The following MCTP1 variants were observed in gnomAD, a reference collection of about 807,000 sequenced individuals.
MCTP1 encodes multiple C2 and transmembrane domain containing 1.
A neutral mutation model predicts 120.6 loss-of-function variants in MCTP1; 69 were observed. That is an observed-to-expected ratio of 0.57 (90% CI 0.47 to 0.70). MCTP1 has a LOEUF of 0.70. MCTP1 is among the 30% of genes least tolerant of loss of function. MCTP1 has a pLI of 0.00. For synonymous variants in MCTP1, 529 were observed against 493.1 expected, an observed-to-expected ratio of 1.07 and a Z score of -0.96; for missense variants, 1,203 against 1,248.8, an observed-to-expected ratio of 0.96 and a Z score of 0.55.
chr5:95,106,028 A>G (rs1312554634), intron 1 of MCTP1, among the ~76,000 whole-genome samples: 2 of 152,160 alleles, frequency 1.3e-5, no homozygotes, highest in Admixed American at 1.3e-4. Flanking sequence ...TTTCAAACTT[A>G]TGGTATGTTC....
At chr5:95,132,008 A>G (rs1759081667) in intron 1 of MCTP1, among the ~76,000 whole-genome samples, 1 of 152,198 alleles carries the variant, frequency 6.6e-6, no homozygotes, top group Admixed American at 6.5e-5. Context: ...ATTACCTTAT[A>G]TAGTTTACTT....
At chr5:94,904,397 T>C (rs1806273250) in intron 10 of MCTP1, among the ~76,000 whole-genome samples, 1 of 152,204 alleles carries the variant, frequency 6.6e-6, no homozygotes, top group East Asian at 1.9e-4. Context: ...GTAAAGCTAA[T>C]GTGTATAATA....
rs1756571356 is a variant in MCTP1 at position 95,099,727 on chromosome 5, G to A, written c.721-82243C>T. Among the ~76,000 whole-genome samples the A allele has an allele frequency of 2.6e-5, 4 of 151,646 alleles. No homozygotes were observed. The South Asian group carries it at 8.4e-4, about 32-fold the overall frequency. ...GAAGTCAGTGCGGCGATTCCTCAGG[G>A]ATCTAGAACTAGAAATACCATTTGA... On this transcript the variant is annotated intron_variant, in intron 1 of 22. Transcript: ENST00000515393.
At chr5:94,841,882 T>C (rs1791124609) in intron 17 of MCTP1, among the ~76,000 whole-genome samples, 1 of 152,168 alleles carries the variant, frequency 6.6e-6, no homozygotes, top group Non-Finnish European at 1.5e-5. Context: ...CTGTTCTTGA[T>C]GATGGGCATA....
At chr5:95,011,533 T>C (rs1308411776) in intron 2 of MCTP1, among the ~76,000 whole-genome samples, 3 of 152,042 alleles carry the variant, frequency 2.0e-5, no homozygotes, top group Non-Finnish European at 2.9e-5. Context: ...CGGGGGCAGT[T>C]TCCTCCATGC....
At chr5:95,080,664 C>G (rs1197317092) in intron 1 of MCTP1, among the ~76,000 whole-genome samples, 1 of 152,128 alleles carries the variant, frequency 6.6e-6, no homozygotes, top group Admixed American at 6.5e-5. Flanking sequence ...TTGCTTCAAC[C>G]AATATGAAGC....
chr5:94,802,579 T>C (rs892909679), intron 17 of MCTP1, among the ~76,000 whole-genome samples: 6 of 152,122 alleles, frequency 3.9e-5, no homozygotes, highest in African/African-American at 1.4e-4. Flanking sequence ...ACAAAAGGTC[T>C]GGCCTTTAGT....
chr5:95,012,859 A>G (rs1836302415), intron 2 of MCTP1, among the ~76,000 whole-genome samples: 1 of 152,160 alleles, frequency 6.6e-6, no homozygotes, highest in Non-Finnish European at 1.5e-5. Context: ...AATGGACTCT[A>G]AGTATTCAAG....
chr5:95,262,258 T>C (rs543119212), intron 1 of MCTP1, among the ~76,000 whole-genome samples: 56 of 152,266 alleles, frequency 3.7e-4, no homozygotes, highest in African/African-American at 1.3e-3. Flanking sequence ...CACAGACACA[T>C]TTTTTTGATC....
rs192802437 is a variant in MCTP1 at position 94,725,796 on chromosome 5, C to T, written c.2611-10910G>A. Reference sequence around the variant, plus strand: ...TGTAAAATGAGGATAATAATTCAACCTACCTTTGCAATGGTTATAAAATTA... The same window carrying T: ...TGTAAAATGAGGATAATAATTCAACTTACCTTTGCAATGGTTATAAAATTA... On this transcript the variant is annotated intron_variant, in intron 19 of 22. Transcript: ENST00000515393. Among the ~76,000 whole-genome samples the T allele has an allele frequency of 1.4e-3, 210 of 152,214 alleles. 1 individual carries two copies. The highest frequency in any genetic ancestry group is 4.6e-3 in the African/African-American group (193 of 41,546).
At chr5:94,783,149 C>T (rs1476110838) in intron 18 of MCTP1, among the ~76,000 whole-genome samples, 2 of 151,988 alleles carry the variant, frequency 1.3e-5, no homozygotes, top group Non-Finnish European at 2.9e-5. Context: ...GAATGTAATA[C>T]TAATAAAGAT....
chr5:94,799,626 C>T (rs1780783402), intron 17 of MCTP1, among the ~76,000 whole-genome samples: 1 of 152,046 alleles, frequency 6.6e-6, no homozygotes, highest in Admixed American at 6.6e-5. Context: ...CCAAAGATTT[C>T]ACAATATGAA....
At chr5:94,793,560 G>A (rs1367324674) in intron 18 of MCTP1, 1 of 152,198 alleles carries the variant, frequency 6.6e-6, no homozygotes, top group Non-Finnish European at 1.5e-5. Flanking sequence ...GTACTGAGAT[G>A]CAAACACAGG....
At chr5:95,133,511 C>T (rs193132334) in intron 1 of MCTP1, among the ~76,000 whole-genome samples, 366 of 152,208 alleles carry the variant, frequency 2.4e-3, no homozygotes, top group African/African-American at 8.5e-3. Flanking sequence ...AAAAATTAGC[C>T]GGGTGTGGCG....
chr5:95,029,029 C>T (rs866193000), intron 1 of MCTP1, among the ~76,000 whole-genome samples: 5 of 151,694 alleles, frequency 3.3e-5, no homozygotes, highest in Admixed American at 6.6e-5. Context: ...TGTGGTGGTG[C>T]GTGCCTGTAA....
At chr5:95,011,299 C>T (rs149874276) in intron 2 of MCTP1, among the ~76,000 whole-genome samples, 3,082 of 152,178 alleles carry the variant, frequency 0.02, 46 homozygotes, top group Non-Finnish European at 0.031. Flanking sequence ...TCAATTCTCC[C>T]TTCCACGTTT....
In MCTP1 at chr5:94,959,909, G is replaced by GA. The variant is rs1301587402; in HGVS notation, c.839-6549dup. ...ACCATTGACTTTCTTCAGAGAATTA[G>GA]AAAAAACTACTTTAAATTTTATATG... On this transcript the variant is annotated intron_variant, in intron 2 of 22. Transcript: ENST00000515393. Among the ~76,000 whole-genome samples, 6 of 152,060 alleles carry GA rather than the reference G, an allele frequency of 3.9e-5. No homozygotes were observed. The East Asian group carries it at 7.7e-4, about 20-fold the overall frequency.
chr5:94,721,161 G>C (rs1760797420), intron 19 of MCTP1, among the ~76,000 whole-genome samples: 1 of 152,148 alleles, frequency 6.6e-6, no homozygotes, highest in Non-Finnish European at 1.5e-5. Context: ...AATCACCATA[G>C]AGCTAAAATC....
At chr5:95,203,938 T>C (rs1751345012) in intron 1 of MCTP1, among the ~76,000 whole-genome samples, 1 of 152,218 alleles carries the variant, frequency 6.6e-6, no homozygotes, top group Non-Finnish European at 1.5e-5. Flanking sequence ...ACATTTTTAT[T>C]AGATTTTTGT....
Sources: allele counts gnomAD v4.1 joint callset (sites outside exome capture counted in the v4.1 genomes callset), GRCh38; gene constraint gnomAD v4.1.1; transcripts MANE v1.5; gene names NCBI Gene and HGNC (gene_info 2026-07-23, HGNC 2026-07-21).